Variants in CCSER1 observed in about 807,000 individuals in gnomAD.
CCSER1 encodes the protein coiled-coil serine rich protein 1, also known as serine-rich coiled-coil domain-containing protein 1.
In CCSER1, 41 loss-of-function variants were observed where a neutral mutation model predicts 82.0. That is an observed-to-expected ratio of 0.50 (90% CI 0.39 to 0.65). The LOEUF is 0.65. CCSER1 is among the 30% of genes least tolerant of loss of function. The pLI, the probability that CCSER1 is intolerant of heterozygous loss-of-function variation, is 0.00. For missense variants in CCSER1, 1,119 were observed against 1,064.2 expected (o/e 1.05, Z -0.72); for synonymous variants, 414 against 383.9 (o/e 1.08, Z -0.92).
intron 10 of CCSER1, among the ~76,000 whole-genome samples, chr4:91,342,563 C>T (rs1164609876): frequency 6.6e-6 from 1 of 152,032 alleles, no homozygotes; most frequent in African/African-American, 2.4e-5. Flanking sequence ...TCTGGCATAT[C>T]ATGTTCTGTG....
intron 8 of CCSER1, among the ~76,000 whole-genome samples, chr4:90,894,929 A>G (rs956347347): frequency 3.2e-4 from 49 of 152,042 alleles, no homozygotes; most frequent in African/African-American, 1.0e-3. Context: ...AGATTAAAAT[A>G]GACTAATTAA....
At chr4:90,970,340 A>C (rs1158467570) in intron 9 of CCSER1, among the ~76,000 whole-genome samples, 1 of 151,982 alleles carries the variant, frequency 6.6e-6, no homozygotes, top group Non-Finnish European at 1.5e-5. Flanking sequence ...CAAGTGAGAA[A>C]TTGTCACAAA....
chr4:90,811,990 A>AT (rs1758398862), intron 7 of CCSER1, among the ~76,000 whole-genome samples: 8 of 135,860 alleles, frequency 5.9e-5, no homozygotes, highest in Admixed American at 1.5e-4. Context: ...ATATATATAT[A>AT]AACACATATA....
chr4:90,720,882 T>G (rs557083624), intron 6 of CCSER1, among the ~76,000 whole-genome samples: 7 of 152,126 alleles, frequency 4.6e-5, no homozygotes, highest in Admixed American at 2.0e-4. Flanking sequence ...GTGCCTCTTA[T>G]TCTTCAATTT....
chr4:91,482,276 C>A lies in CCSER1; in HGVS notation c.2218-116296C>A, dbSNP rs1202183613. 5.3e-5 allele frequency among the ~76,000 whole-genome samples: 5 copies of A among 93,666 alleles called. No individual in the cohort carries two copies. The South Asian group carries it at 2.1e-3, about 39-fold the overall frequency. 61.4% of individuals were successfully genotyped at this position (93,666 alleles called of 152,430 possible). A position where few individuals can be genotyped will look rare whatever the true frequency, so the allele number is the denominator to read the frequency against. On this transcript the variant is annotated intron_variant, in intron 10 of 10. Transcript: ENST00000509176. ...AATTAGCCGGGCGCGGTGGCAGGCA[C>A]CTGTAGTCCCAGCTACTCGGGAGGC...
intron 4 of CCSER1, among the ~76,000 whole-genome samples, chr4:90,408,121 A>T (rs574384686): frequency 2.9e-4 from 44 of 152,340 alleles, no homozygotes; most frequent in Non-Finnish European, 5.6e-4. Flanking sequence ...TTGAGTAGCT[A>T]AACAGAGCGG....
At chr4:90,856,744 T>C (rs1764507416) in intron 8 of CCSER1, among the ~76,000 whole-genome samples, 1 of 152,092 alleles carries the variant, frequency 6.6e-6, no homozygotes, top group Non-Finnish European at 1.5e-5. Context: ...AAAATAGAAA[T>C]AACAATATCT....
chr4:91,403,333 A>T (rs1021818428), intron 10 of CCSER1, among the ~76,000 whole-genome samples: 1 of 152,308 alleles, frequency 6.6e-6, no homozygotes, highest in African/African-American at 2.4e-5. Flanking sequence ...CAATCTTGTC[A>T]TCTGCAAACA....
intron 8 of CCSER1, among the ~76,000 whole-genome samples, chr4:90,866,139 G>A (rs766959664): frequency 1.3e-5 from 2 of 151,882 alleles, no homozygotes; most frequent in Non-Finnish European, 2.9e-5. Context: ...TTCAACATGA[G>A]ATTTGAGTGG....
chr4:91,033,110 A>T (rs1387587372), intron 9 of CCSER1, among the ~76,000 whole-genome samples: 1 of 152,214 alleles, frequency 6.6e-6, no homozygotes, highest in Non-Finnish European at 1.5e-5. Context: ...TAATACTGGA[A>T]ACTGTAAGTA....
intron 4 of CCSER1, among the ~76,000 whole-genome samples, chr4:90,433,708 T>C (rs1236736541): frequency 1.3e-5 from 2 of 152,090 alleles, no homozygotes; most frequent in African/African-American, 4.8e-5. Flanking sequence ...GCAATTTATT[T>C]AAAAATCTGC....
intron 6 of CCSER1, among the ~76,000 whole-genome samples, chr4:90,672,115 C>T (rs1732909793): frequency 6.6e-6 from 1 of 151,358 alleles, no homozygotes; most frequent in African/African-American, 2.4e-5. Context: ...TTCTTAAGGA[C>T]CCTAGAACTT....
chr4:90,582,898 AT>A, intron 5 of CCSER1, among the ~76,000 whole-genome samples: 1 of 152,366 alleles, frequency 6.6e-6, no homozygotes, highest in Middle Eastern at 3.4e-3. Flanking sequence ...GACTAATATT[AT>A]AAATACACTA....
chr4:90,653,467 A>G lies in CCSER1; in HGVS notation c.1932+25235A>G, dbSNP rs1481840640. On this transcript the variant is annotated intron_variant, in intron 6 of 10. Coordinates refer to ENST00000509176, the MANE Select transcript of CCSER1 (RefSeq NM_001145065.2). Reference sequence around the variant, plus strand: ...AAAAAAATTTTAATGAAACGTAAGTATTGAAGAACCAATGAGATAAATTAA... The same window carrying G: ...AAAAAAATTTTAATGAAACGTAAGTGTTGAAGAACCAATGAGATAAATTAA... Among the ~76,000 whole-genome samples, 68 of 152,148 alleles carry G rather than the reference A, an allele frequency of 4.5e-4. 1 individual carries two copies. Among genetic ancestry groups the G allele is most frequent in the Admixed American group, 4.4e-3 (67 of 15,272 alleles).
chr4:91,122,996 A>T (rs1362425068), intron 10 of CCSER1, among the ~76,000 whole-genome samples: 2 of 151,788 alleles, frequency 1.3e-5, no homozygotes, highest in Non-Finnish European at 3.0e-5. Context: ...CCAAATTTTC[A>T]TATAGGGCAG....
At chr4:90,147,084 T>A (rs1347441900) in intron 1 of CCSER1, among the ~76,000 whole-genome samples, 2 of 151,672 alleles carry the variant, frequency 1.3e-5, no homozygotes, top group Non-Finnish European at 3.0e-5. Context: ...TATTTACTAT[T>A]GTATTTATTT....
intron 1 of CCSER1, among the ~76,000 whole-genome samples, chr4:90,159,638 C>G (rs1729055744): frequency 1.3e-5 from 2 of 152,166 alleles, no homozygotes; most frequent in Admixed American, 6.5e-5. Flanking sequence ...AGCTTTTTAT[C>G]TTGCAGGTAA....
At chr4:91,456,834 G>T (rs780547596) in intron 10 of CCSER1, among the ~76,000 whole-genome samples, 1 of 152,032 alleles carries the variant, frequency 6.6e-6, no homozygotes, top group Non-Finnish European at 1.5e-5. Flanking sequence ...TCTAATAAAT[G>T]TTATCTTGTT....
At chr4:90,503,121 G>A (rs991371685) in intron 5 of CCSER1, among the ~76,000 whole-genome samples, 29 of 152,148 alleles carry the variant, frequency 1.9e-4, no homozygotes, top group Non-Finnish European at 3.7e-4. Flanking sequence ...CCTAAGCCAG[G>A]AATTGAACCC....
Sources: gnomAD v4.1 joint callset for allele counts (sites outside exome capture counted in the v4.1 genomes callset) on GRCh38, gnomAD v4.1.1 for gene constraint, MANE v1.5 for transcripts, NCBI Gene and HGNC (gene_info 2026-07-23, HGNC 2026-07-21) for gene names.